Variants in PARD3 observed in about 807,000 individuals in gnomAD.
The protein encoded by PARD3 is par-3 family cell polarity regulator.
In PARD3, 75 loss-of-function variants were observed where a neutral mutation model predicts 155.4. The ratio of observed to expected loss-of-function variants is 0.48; its 90% CI spans 0.40 to 0.58. The LOEUF is 0.58. Among genes scored for constraint, PARD3 ranks in the 20% least tolerant of loss-of-function variants. The probability of loss-of-function intolerance (pLI) is 0.00; values close to 1 mark genes in which losing one functional copy is unlikely to be tolerated. For synonymous variants in PARD3, 576 were observed against 610.5 expected, an observed-to-expected ratio of 0.94 and a Z score of 0.83; for missense variants, 1,642 against 1,721.7, an observed-to-expected ratio of 0.95 and a Z score of 0.82.
intron 2 of PARD3, among the ~76,000 whole-genome samples, chr10:34,590,057 C>T (rs2088521884): frequency 6.6e-6 from 1 of 152,106 alleles, no homozygotes; most frequent in Middle Eastern, 3.2e-3. Flanking sequence ...ATGCCAATTG[C>T]CAGTCTCACT....
At chr10:34,199,865 C>T (rs2384135) in intron 22 of PARD3, among the ~76,000 whole-genome samples, 7,589 of 152,118 alleles carry the variant, frequency 0.05, 242 homozygotes, top group East Asian at 0.15. Flanking sequence ...GCAACAAAGA[C>T]TATTCGAATG....
At chr10:34,145,217 ATATAT>A (rs1160939625) in intron 22 of PARD3, among the ~76,000 whole-genome samples, 33 of 57,950 alleles carry the variant, frequency 5.7e-4, no homozygotes, top group African/African-American at 1.5e-3. Context: ...ATATATATAT[ATATAT>A]TTTTTTTTTT....
chr10:34,211,146 T>C (rs1161247684), intron 22 of PARD3, among the ~76,000 whole-genome samples: 2 of 152,164 alleles, frequency 1.3e-5, no homozygotes, highest in Non-Finnish European at 2.9e-5. Flanking sequence ...AAACATTCGC[T>C]CTCTTCCCTG....
chr10:34,314,180 T>C (rs1957859620), intron 20 of PARD3, among the ~76,000 whole-genome samples: 1 of 147,482 alleles, frequency 6.8e-6, no homozygotes, highest in Non-Finnish European at 1.5e-5. Flanking sequence ...TGTAGTCCCC[T>C]ATGTTGTTAG....
chr10:34,356,504 C>G (rs979685111), intron 14 of PARD3, among the ~76,000 whole-genome samples: 7 of 152,200 alleles, frequency 4.6e-5, no homozygotes, highest in African/African-American at 1.7e-4. Flanking sequence ...ATTAAATATG[C>G]AAACCTTGGA....
At chr10:34,185,820 A>ATTCT (rs2133227413) in intron 22 of PARD3, among the ~76,000 whole-genome samples, 1 of 122,374 alleles carries the variant, frequency 8.2e-6, no homozygotes, top group East Asian at 2.0e-4. Flanking sequence ...TCTATATTAT[A>ATTCT]TTATATTATA....
intron 22 of PARD3, among the ~76,000 whole-genome samples, chr10:34,203,668 G>A (rs1951325406): frequency 6.6e-6 from 1 of 152,182 alleles, no homozygotes; most frequent in African/African-American, 2.4e-5. Flanking sequence ...GTTCAGTGGA[G>A]ATGCAATCAT....
At chr10:34,770,820 G>A (rs1005813560) in intron 1 of PARD3, among the ~76,000 whole-genome samples, 3 of 152,208 alleles carry the variant, frequency 2.0e-5, no homozygotes, top group South Asian at 2.1e-4. Flanking sequence ...AGACAGGGAT[G>A]TGCCCTGTTC....
intron 7 of PARD3, among the ~76,000 whole-genome samples, chr10:34,390,352 G>A (rs1171331812): frequency 6.6e-6 from 1 of 152,042 alleles, no homozygotes; most frequent in Admixed American, 6.6e-5. Context: ...TACCTACCTA[G>A]AATACCAAGC....
chr10:34,403,380 T>C (rs2132220275), intron 5 of PARD3, among the ~76,000 whole-genome samples: 1 of 152,338 alleles, frequency 6.6e-6, no homozygotes, highest in South Asian at 2.1e-4. Flanking sequence ...TTTTCAATCA[T>C]GTTATTCCAG....
At chr10:34,347,463 C>A (rs1270137819) in intron 15 of PARD3, among the ~76,000 whole-genome samples, 1 of 152,180 alleles carries the variant, frequency 6.6e-6, no homozygotes, top group African/African-American at 2.4e-5. Context: ...AAGTAAAATA[C>A]AATTAAAATA....
chr10:34,801,454 G>T (rs1013266956), intron 1 of PARD3, among the ~76,000 whole-genome samples: 1 of 152,124 alleles, frequency 6.6e-6, no homozygotes, highest in African/African-American at 2.4e-5. Context: ...TGAAAAAGAC[G>T]GATGAGAGGA....
chr10:34,208,539 C>T (rs1951586389), intron 22 of PARD3, among the ~76,000 whole-genome samples: 1 of 152,214 alleles, frequency 6.6e-6, no homozygotes, highest in Non-Finnish European at 1.5e-5. Flanking sequence ...GATCACACCT[C>T]ATGGCACAGG....
At chr10:34,605,645 ATATATATATCTCC>A (rs2090262869) in intron 2 of PARD3, among the ~76,000 whole-genome samples, 2 of 113,180 alleles carry the variant, frequency 1.8e-5, no homozygotes, top group Admixed American at 1.9e-4. Context: ...TATCTCCTAT[ATATATATATCTCC>A]TATATATATA....
chr10:34,698,532 T>C (rs2094216146), intron 1 of PARD3, among the ~76,000 whole-genome samples: 1 of 152,190 alleles, frequency 6.6e-6, no homozygotes, highest in South Asian at 2.1e-4. Flanking sequence ...ATCAGCAGTC[T>C]AACTCCAGCC....
intron 22 of PARD3, among the ~76,000 whole-genome samples, chr10:34,221,144 T>C (rs1952261393): frequency 1.3e-5 from 2 of 152,242 alleles, no homozygotes; most frequent in South Asian, 4.1e-4. Context: ...GTTCCCGTCT[T>C]GCCACTCTCA....
At chr10:34,281,964 T>C (rs1956178852) in intron 21 of PARD3, among the ~76,000 whole-genome samples, 1 of 151,966 alleles carries the variant, frequency 6.6e-6, no homozygotes, top group Admixed American at 6.6e-5. Context: ...TAAGTAGTGG[T>C]TTATTTATTT....
chr10:34,151,484 ATGT>A, intron 22 of PARD3, among the ~76,000 whole-genome samples: 1 of 152,170 alleles, frequency 6.6e-6, no homozygotes, highest in African/African-American at 2.4e-5. Flanking sequence ...GAGTGTATAT[ATGT>A]ACAGCTCCAA....
At chr10:34,814,308 G>A (rs1844602747) in intron 1 of PARD3, among the ~76,000 whole-genome samples, 1 of 151,970 alleles carries the variant, frequency 6.6e-6, no homozygotes. Flanking sequence ...CGCCCCTGCC[G>A]GCCCCTACCA....
Sources: allele counts gnomAD v4.1 joint callset (sites outside exome capture counted in the v4.1 genomes callset), GRCh38; gene constraint gnomAD v4.1.1; transcripts MANE v1.5; gene names NCBI Gene and HGNC (gene_info 2026-07-23, HGNC 2026-07-21).